The following RSKR variants were observed in gnomAD, a reference collection of about 807,000 sequenced individuals.
The protein encoded by RSKR is ribosomal protein S6 kinase related, also known as ribosomal protein S6 kinase-related protein.
A neutral mutation model predicts 56.8 loss-of-function variants in RSKR; 44 were observed. The observed-to-expected ratio is 0.77, with a 90% CI of 0.61 to 1.00. The LOEUF (loss-of-function observed/expected upper bound fraction) is 1.00. Among genes scored for constraint, RSKR ranks in the 50% least tolerant of loss-of-function variants. The pLI is 0.00. For synonymous variants in RSKR, 181 were observed against 188.0 expected (o/e 0.96, Z 0.30); for missense variants, 510 against 506.9 (o/e 1.01, Z -0.06).
In RSKR at chr17:28,612,045, T is replaced by C. The variant is rs1394340624; in HGVS notation, c.692A>G (p.Lys231Arg). 1 of 1,614,032 alleles carries C rather than the reference T, an allele frequency of 6.2e-7. No homozygotes were observed. The highest frequency in any genetic ancestry group is 1.3e-5 in the African/African-American group (1 of 74,906). The change falls in exon 7 of 12, where the codon AAG (lysine) becomes AGG (arginine). Residue 231 changes from lysine to arginine, a missense_variant and splice_region_variant. Coordinates refer to ENST00000301037, the MANE Select transcript of RSKR (RefSeq NM_001174103.2). The part of the protein sequence containing the change: ...HDLGIMHRDV[K>R]MENILLDERG... ...AGGGAAAAAAGCACTTAACTCTACC[T>C]TCACATCTCGATGCATGATGCCCAA...
At chr17:28,612,169 T>TA (rs1347297986) in intron 6 of RSKR, 85 bp from the exon 7 acceptor site, 1 of 1,584,610 alleles carries the variant, frequency 6.3e-7, no homozygotes, top group African/African-American at 1.3e-5. Context: ...CCTATCCTAT[T>TA]CTTTAACTTC....
At position 28,609,466 on chromosome 17, in the gene RSKR, C is replaced by A. The variant is rs1310581342; in HGVS notation, c.*1012G>T. The A allele has an allele frequency of 6.6e-6, 1 of 152,068 alleles. No homozygotes were observed. Among genetic ancestry groups the A allele is most frequent in the African/African-American group, 2.4e-5 (1 of 41,392 alleles). 9.4% of individuals were successfully genotyped at this position (152,068 alleles called of 1,614,324 possible). Reference sequence around the variant, plus strand: ...GTTGCAATTATAGACCTAGAGAAGACATTTAACCCACCCATGTTTCAGTTT... The same window carrying A: ...GTTGCAATTATAGACCTAGAGAAGAAATTTAACCCACCCATGTTTCAGTTT... On this transcript the variant is annotated 3_prime_UTR_variant, in exon 12 of 12. Transcript: ENST00000301037.
intron 11 of RSKR, 133 bp from the exon 12 acceptor site, chr17:28,610,832 TAA>T: frequency 1.6e-5 from 15 of 924,050 alleles, no homozygotes; most frequent in Non-Finnish European, 2.2e-5. Context: ...AGATGATTTG[TAA>T]AAGAGGGAGA....
rs561713767 is a variant in RSKR at position 28,613,349 on chromosome 17, T to C, written c.325-4A>G. 5.6e-6 allele frequency: 9 copies of C among 1,614,168 alleles called. No homozygotes were observed. Among genetic ancestry groups the C allele is most frequent in the South Asian group, 4.4e-5 (4 of 91,082 alleles). On this transcript the variant is annotated splice_region_variant and splice_polypyrimidine_tract_variant and intron_variant, in intron 2 of 11. Transcript: ENST00000301037. The stretch of plus-strand genomic sequence containing the variant: ...CTTTAGCCACGAGGCCTAAAATCTG[T>C]ACAGAGGAATGGAGAACAGGCCAGT...
In RSKR at chr17:28,613,558, A is replaced by G. The variant is rs2151532550; in HGVS notation, c.206T>C (p.Leu69Pro). 1 of 1,614,196 alleles carries G rather than the reference A, an allele frequency of 6.2e-7. No homozygotes were observed. Among genetic ancestry groups the G allele is most frequent in the South Asian group, 1.1e-5 (1 of 91,082 alleles). The change falls in exon 2 of 12, where the codon CTA becomes CCA. Residue 69 changes from leucine to proline, a missense_variant. By Grantham distance (98) the Leu-to-Pro change is moderately conservative. Coordinates refer to ENST00000301037, the MANE Select transcript of RSKR (RefSeq NM_001174103.2). The part of the protein sequence containing the change: ...RGHHYLHQES[L>P]KPAPVLVEKP... ...CTCTACCAGTACTGGGGCTGGCTTT[A>G]GGGATTCCTGGTGCAGATAGTGGTG... is the stretch of plus-strand genomic sequence containing the variant.
Position 28,612,361 on chromosome 17 carries a change from TAC to T in RSKR, c.551_552del (p.Cys184Ter). On this transcript the variant is annotated frameshift_variant, in exon 6 of 12. Transcript: ENST00000301037. LOFTEE classifies it high-confidence loss of function. ...WQGKRHLFIM[C>X]SYCSTDLYSL... ...GAGTACAGATCTGTGCTGCAGTAGCTACACACTGCAAAGCCAGTGTGGAGCTA... is the reference window on the plus strand; with the variant it reads ...GAGTACAGATCTGTGCTGCAGTAGCTACACTGCAAAGCCAGTGTGGAGCTA... 1 of 1,614,032 alleles carries T rather than the reference TAC, an allele frequency of 6.2e-7. No individual in the cohort carries two copies. The highest frequency in any genetic ancestry group is 8.5e-7 in the Non-Finnish European group (1 of 1,179,926).
Position 28,610,422 on chromosome 17 carries a change from G to T in RSKR, c.*56C>A. On this transcript the variant is annotated 3_prime_UTR_variant, in exon 12 of 12. Transcript: ENST00000301037. Reference sequence around the variant, plus strand: ...ATTATCAAGGTGGTCATACTGAGTAGGCAGGGATGGAGATCTTCAGGCTCC... The same window carrying T: ...ATTATCAAGGTGGTCATACTGAGTATGCAGGGATGGAGATCTTCAGGCTCC... 1 of 1,435,122 alleles carries T rather than the reference G, an allele frequency of 7.0e-7. No homozygotes were observed. The highest frequency in any genetic ancestry group is 9.5e-7 in the Non-Finnish European group (1 of 1,056,276). 88.9% of individuals were successfully genotyped at this position (1,435,122 alleles called of 1,614,324 possible). A position where few individuals can be genotyped will look rare whatever the true frequency, so the allele number is the denominator to read the frequency against.
At chr17:28,611,735 T>G in intron 8 of RSKR, 33 bp downstream of exon 8, 1 of 1,614,080 alleles carries the variant, frequency 6.2e-7, no homozygotes, top group Non-Finnish European at 8.5e-7. Flanking sequence ...AAAGTACCTC[T>G]CATCCTGGGG....
chr17:28,610,831 G>C, intron 11 of RSKR, 132 bp from the exon 12 acceptor site: 2 of 920,746 alleles, frequency 2.2e-6, no homozygotes, highest in Non-Finnish European at 3.2e-6. Context: ...TAGATGATTT[G>C]TAAAAGAGGG....
In RSKR at chr17:28,608,991, C is replaced by A. The variant is rs1177785328; in HGVS notation, c.*1487G>T. 7.1e-6 allele frequency: 1 copy of A among 140,568 alleles called. No homozygotes were observed. Among genetic ancestry groups the A allele is most frequent in the African/African-American group, 2.6e-5 (1 of 38,050 alleles). The allele number at this position is 140,568 out of a possible 1,614,324, so 8.7% of individuals were successfully genotyped here. Reference sequence around the variant, plus strand: ...TTTAAGGTCCAGATGATTTTCCTTACTAAAGGAAAAGGTTATTGAGATATG... The same window carrying A: ...TTTAAGGTCCAGATGATTTTCCTTAATAAAGGAAAAGGTTATTGAGATATG... On this transcript the variant is annotated 3_prime_UTR_variant, in exon 12 of 12. Transcript: ENST00000301037.
Position 28,608,285 on chromosome 17 carries a change from T to A in RSKR, c.*2193A>T, listed in dbSNP as rs977082424. The A allele has an allele frequency of 3.3e-5, 5 of 152,264 alleles. No individual in the cohort carries two copies. Among genetic ancestry groups the A allele is most frequent in the Non-Finnish European group, 7.3e-5 (5 of 68,028 alleles). 9.4% of individuals were successfully genotyped at this position (152,264 alleles called of 1,614,324 possible). On this transcript the variant is annotated 3_prime_UTR_variant, in exon 12 of 12. Transcript: ENST00000301037. ...AGCATAACTGGGTCCAGAGAAAATTTCTCCCACGCATTCTTAAATAGAATA... is the reference window on the plus strand; with the variant it reads ...AGCATAACTGGGTCCAGAGAAAATTACTCCCACGCATTCTTAAATAGAATA...
rs1282398535 is a variant in RSKR, at chr17:28,610,133, A to G, written c.*345T>C. ...GCACCCTGGGAGCCCATGAAGTATT[A>G]TTATTGCTCAAGAAAGGAAACATGG... On this transcript the variant is annotated 3_prime_UTR_variant, in exon 12 of 12. Coordinates refer to ENST00000301037, the MANE Select transcript of RSKR (RefSeq NM_001174103.2). 4 of 253,036 alleles carry G rather than the reference A, an allele frequency of 1.6e-5. No homozygotes were observed. Among genetic ancestry groups the G allele is most frequent in the Non-Finnish European group, 3.1e-5 (4 of 129,432 alleles). The allele number at this position is 253,036 out of a possible 1,614,324, so 15.7% of individuals were successfully genotyped here.
Position 28,611,487 on chromosome 17 carries a change from G to A in RSKR, c.812-6C>T, listed in dbSNP as rs1279049692. On this transcript the variant is annotated splice_region_variant and splice_polypyrimidine_tract_variant and intron_variant, in intron 9 of 11. Coordinates refer to ENST00000301037, the MANE Select transcript of RSKR (RefSeq NM_001174103.2). Reference sequence around the variant, plus strand: ...TCCACTTAGGACCTCTGGGGCTACAGATTTCAAAGATACTCATCACAGACA... The same window carrying A: ...TCCACTTAGGACCTCTGGGGCTACAAATTTCAAAGATACTCATCACAGACA... The A allele has an allele frequency of 2.5e-5, 39 of 1,591,160 alleles. No individual in the cohort carries two copies. Among genetic ancestry groups the A allele is most frequent in the Non-Finnish European group, 3.2e-5 (38 of 1,171,956 alleles).
intron 1 of RSKR, 143 bp from the exon 2 acceptor site, chr17:28,613,831 C>G: frequency 8.0e-7 from 1 of 1,252,848 alleles, no homozygotes; most frequent in South Asian, 1.5e-5. Context: ...ATTACCCTTG[C>G]TTTGTGCTAA....
In RSKR at chr17:28,611,157, G is replaced by A. The variant is rs115018587; in HGVS notation, c.997C>T (p.Leu333Phe). ...CTCATCCTTACCTCATGGAGCAGGA[G>A]TGAGAGGCCCTGGTTAAGAGAAGCT... ...IPASLNQGLS[L>F]LLHELLCQNP... Residue 333 changes from leucine to phenylalanine, a missense_variant, in exon 11 of 12, where the codon CTC becomes TTC. Physicochemically the swap from Leu to Phe is conservative, Grantham distance 22. Coordinates refer to ENST00000301037, the MANE Select transcript of RSKR (RefSeq NM_001174103.2). 409 of 1,536,228 alleles carry A rather than the reference G, an allele frequency of 2.7e-4. No homozygotes were observed. The African/African-American group carries it at 5.0e-3, about 19-fold the overall frequency.
At chr17:28,611,982 C>T (rs1190459062) in intron 7 of RSKR, 62 bp downstream of exon 7, 1 of 1,614,112 alleles carries the variant, frequency 6.2e-7, no homozygotes, top group South Asian at 1.1e-5. Context: ...ACTTCTTGGA[C>T]TTGTTGGCAC....
rs758652690 is a variant in RSKR at position 28,613,508 on chromosome 17, G to C, written c.256C>G (p.Pro86Ala). Reference protein sequence around the residue: ...VEKPLPEWPVPQFINLFLPEF... With the variant: ...VEKPLPEWPVAQFINLFLPEF... ...GGTAGAAAGAGGTTGATGAACTGAG[G>C]CACTGGCCACTCTGGCAGAGGCTTC... The change falls in exon 2 of 12, where the codon CCT (proline) becomes GCT (alanine). Residue 86 changes from proline (P) to alanine (A), a missense_variant. Pro to Ala is a conservative substitution (Grantham distance 27). Transcript: ENST00000301037. 1.2e-6 allele frequency: 2 copies of C among 1,614,222 alleles called. No individual in the cohort carries two copies. Among genetic ancestry groups the C allele is most frequent in the South Asian group, 2.2e-5 (2 of 91,090 alleles).
At chr17:28,612,516 G>C (rs527799223) in intron 5 of RSKR, 102 bp downstream of exon 5, 22 of 1,431,284 alleles carry the variant, frequency 1.5e-5, no homozygotes, top group Non-Finnish European at 2.1e-5. Flanking sequence ...GGTGCCATGA[G>C]AAGGGGGACA....
Position 28,613,700 on chromosome 17 carries a change from G to A in RSKR, c.76-12C>T. 1 of 1,613,380 alleles carries A rather than the reference G, an allele frequency of 6.2e-7. No individual in the cohort carries two copies. Among genetic ancestry groups the A allele is most frequent in the Middle Eastern group, 1.7e-4 (1 of 5,992 alleles). On this transcript the variant is annotated splice_polypyrimidine_tract_variant and intron_variant, in intron 1 of 11. Transcript: ENST00000301037. ...ATGTTGCCACCCTGCTGAGAACCAA[G>A]GGAGCCACTCTAAACTTTCTGCTCC...
Sources: gnomAD v4.1 joint callset for allele counts on GRCh38, gnomAD v4.1.1 for gene constraint, MANE v1.5 for transcripts, NCBI Gene and HGNC (gene_info 2026-07-23, HGNC 2026-07-21) for gene names.